ANK3: variants seen among roughly 807,000 people sequenced by gnomAD.
The protein encoded by ANK3 is ankyrin 3.
ANK3 carries 57 observed loss-of-function variants against 370.9 expected under a neutral mutation model. The ratio of observed to expected loss-of-function variants is 0.15; its 90% confidence interval spans 0.12 to 0.19. The LOEUF (loss-of-function observed/expected upper bound fraction) is 0.19, where lower values mean the gene tolerates loss of function less well. Among genes scored for constraint, ANK3 ranks in the 10% least tolerant of loss-of-function variants. The probability of loss-of-function intolerance (pLI) is 1.00; values close to 1 mark genes in which losing one functional copy is unlikely to be tolerated. For missense variants in ANK3, 4,439 were observed against 5,302.1 expected (o/e 0.84, Z 5.06); for synonymous variants, 1,929 against 1,946.3 (o/e 0.99, Z 0.23).
At chr10:60,711,778 A>G (rs1211131056) in intron 1 of ANK3, among the ~76,000 whole-genome samples, 1 of 152,198 alleles carries the variant, frequency 6.6e-6, no homozygotes, top group African/African-American at 2.4e-5. Flanking sequence ...GACATATTAT[A>G]TCTAAATTGC....
At chr10:60,634,812 C>T (rs1034771650) in intron 1 of ANK3, among the ~76,000 whole-genome samples, 9 of 151,578 alleles carry the variant, frequency 5.9e-5, no homozygotes, top group African/African-American at 1.5e-4. Context: ...CAAACAACTC[C>T]GGACGCGCCA....
chr10:60,082,835 G>A, intron 33 of ANK3, 98 bp from the exon 34 acceptor site: 1 of 1,360,110 alleles, frequency 7.4e-7, no homozygotes, highest in Non-Finnish European at 1.0e-6. Context: ...CAAGCCCTAT[G>A]AGAGGCAGGA....
chr10:60,327,634 T>C (rs1316481051), intron 1 of ANK3, among the ~76,000 whole-genome samples: 1 of 152,238 alleles, frequency 6.6e-6, no homozygotes, highest in Non-Finnish European at 1.5e-5. Context: ...TCAAAGGCTG[T>C]GTCACTTTAA....
At chr10:60,697,860 T>G (rs1368651121) in intron 1 of ANK3, among the ~76,000 whole-genome samples, 5 of 151,570 alleles carry the variant, frequency 3.3e-5, no homozygotes, top group Non-Finnish European at 7.4e-5. Context: ...ACTTCATGTC[T>G]AAAACACCAA....
At chr10:60,360,920 C>T (rs531155840) in intron 1 of ANK3, among the ~76,000 whole-genome samples, 105 of 152,158 alleles carry the variant, frequency 6.9e-4, no homozygotes, top group African/African-American at 2.4e-3. Flanking sequence ...AAGATTTACA[C>T]AGAAAGATTA....
intron 2 of ANK3, among the ~76,000 whole-genome samples, chr10:60,557,256 C>G (rs1015405734): frequency 6.6e-6 from 1 of 152,058 alleles, no homozygotes; most frequent in Admixed American, 6.6e-5. Flanking sequence ...TGTCCATCAA[C>G]AGATGGACAA....
At chr10:60,040,632 T>C (rs1443080655) in intron 43 of ANK3, among the ~76,000 whole-genome samples, 1 of 152,178 alleles carries the variant, frequency 6.6e-6, no homozygotes, top group Non-Finnish European at 1.5e-5. Flanking sequence ...ACTTTCTTTA[T>C]ATTTAGTGAG....
Position 60,529,616 on chromosome 10 carries a change from C to T in ANK3, c.96+85570G>A, listed in dbSNP as rs145584521. ...GTTCAAACACATGTTTATTTATTCA[C>T]ATGCTCTGAACGAAGATTTATTCTA... On this transcript the variant is annotated intron_variant, in intron 2 of 43. Transcript: ENST00000373827. Among the ~76,000 whole-genome samples, 92 of 152,232 alleles carry T rather than the reference C, an allele frequency of 6.0e-4. 1 individual carries two copies. The highest frequency in any genetic ancestry group is 2.0e-3 in the African/African-American group (83 of 41,534).
rs114330064 is a variant in ANK3, at chr10:60,263,343, C to T, written c.699+492G>A. ...CGGCCTAGTCCAAATGTCACATTTC[C>T]GTCACAGAGACTTTCAGGTACCACA... On this transcript the variant is annotated intron_variant, in intron 6 of 43. Coordinates refer to ENST00000280772, the MANE Select transcript of ANK3 (RefSeq NM_020987.5). Among the ~76,000 whole-genome samples, 556 of 152,274 alleles carry T rather than the reference C, an allele frequency of 3.7e-3. 8 individuals carry two copies. Among genetic ancestry groups the T allele is most frequent in the African/African-American group, 0.013 (531 of 41,560 alleles).
chr10:60,581,893 T>C (rs900005753), intron 2 of ANK3, among the ~76,000 whole-genome samples: 1 of 152,038 alleles, frequency 6.6e-6, no homozygotes, highest in Non-Finnish European at 1.5e-5. Context: ...AATGATAGAT[T>C]GGATAAAGAA....
intron 23 of ANK3, among the ~76,000 whole-genome samples, chr10:60,162,433 G>A (rs894377065): frequency 5.3e-5 from 8 of 152,076 alleles, no homozygotes; most frequent in African/African-American, 1.9e-4. Context: ...TCAGTGTAAT[G>A]GCAGGAATAG....
chr10:60,272,347 C>T (rs1320122231), intron 4 of ANK3, among the ~76,000 whole-genome samples: 1 of 152,126 alleles, frequency 6.6e-6, no homozygotes, highest in Admixed American at 6.6e-5. Flanking sequence ...ACCAGTATGG[C>T]TTTTTCTCAT....
chr10:60,370,093 C>T (rs1801571199), intron 1 of ANK3, among the ~76,000 whole-genome samples: 1 of 152,152 alleles, frequency 6.6e-6, no homozygotes, highest in African/African-American at 2.4e-5. Flanking sequence ...TAAAATGTAG[C>T]TTCAAACTTT....
At chr10:60,715,217 G>GTA (rs2079767482) in intron 1 of ANK3, among the ~76,000 whole-genome samples, 1 of 145,474 alleles carries the variant, frequency 6.9e-6, no homozygotes, top group African/African-American at 2.7e-5. Context: ...ATATACAAAT[G>GTA]TGTGTGTGTG....
chr10:60,295,534 T>G (rs565579711), intron 1 of ANK3, among the ~76,000 whole-genome samples: 13 of 152,190 alleles, frequency 8.5e-5, no homozygotes, highest in Non-Finnish European at 1.9e-4. Context: ...ATACAGGGAC[T>G]GAACCCACGA....
intron 43 of ANK3, 49 bp downstream of exon 43, chr10:60,042,615 AAATATAAG>A: frequency 6.7e-7 from 1 of 1,493,512 alleles, no homozygotes; most frequent in Non-Finnish European, 9.2e-7. Context: ...ATTTAGTGAA[AAATATAAG>A]TTTCACAGGA....
chr10:60,188,434 T>C (rs1565556907), intron 16 of ANK3, among the ~76,000 whole-genome samples: 1 of 152,170 alleles, frequency 6.6e-6, no homozygotes, highest in Non-Finnish European at 1.5e-5. Context: ...TTTTTTTCCA[T>C]AGACAGGAAG....
At chr10:60,173,518 C>T (rs573918567) in intron 18 of ANK3, among the ~76,000 whole-genome samples, 1 of 152,298 alleles carries the variant, frequency 6.6e-6, no homozygotes, top group African/African-American at 2.4e-5. Flanking sequence ...TATTCGGGGT[C>T]AGAAGAGCAC....
chr10:60,083,819 G>T, intron 32 of ANK3: 1 of 472,958 alleles, frequency 2.1e-6, no homozygotes, highest in Non-Finnish European at 3.7e-6. Flanking sequence ...CCATATCATG[G>T]ACATATACAG....
Sources: allele counts gnomAD v4.1 joint callset (sites outside exome capture counted in the v4.1 genomes callset), GRCh38; gene constraint gnomAD v4.1.1; transcripts MANE v1.5; gene names NCBI Gene and HGNC (gene_info 2026-07-23, HGNC 2026-07-21).